The following ASIC2 variants were observed in gnomAD, a reference collection of about 807,000 sequenced individuals.
The protein encoded by ASIC2 is acid-sensing ion channel 2.
In ASIC2, 25 loss-of-function variants were observed where a neutral mutation model predicts 57.3. The ratio of observed to expected loss-of-function variants is 0.44; its 90% CI spans 0.32 to 0.61. The LOEUF (loss-of-function observed/expected upper bound fraction) is 0.61. ASIC2 is among the 20% of genes least tolerant of loss of function. The pLI is 0.06. For missense variants in ASIC2, 641 were observed against 738.1 expected, an observed-to-expected ratio of 0.87 and a Z score of 1.52; for synonymous variants, 319 against 307.5, an observed-to-expected ratio of 1.04 and a Z score of -0.39.
intron 1 of ASIC2, chr17:34,038,226 T>C: frequency 5.6e-6 from 9 of 1,611,958 alleles, no homozygotes; most frequent in Non-Finnish European, 7.6e-6. Context: ...ACAATCTGCA[T>C]GATAATGGAC....
chr17:33,766,296 A>T (rs1284289082), intron 1 of ASIC2, among the ~76,000 whole-genome samples: 1 of 152,188 alleles, frequency 6.6e-6, no homozygotes, highest in African/African-American at 2.4e-5. Flanking sequence ...CAGTGTATTT[A>T]GGGTTTGGTA....
At chr17:33,786,049 C>A (rs1304461058) in intron 1 of ASIC2, among the ~76,000 whole-genome samples, 1 of 152,182 alleles carries the variant, frequency 6.6e-6, no homozygotes. Flanking sequence ...GCTTGGCAAG[C>A]TCACGCAGCT....
intron 1 of ASIC2, among the ~76,000 whole-genome samples, chr17:33,479,284 C>G (rs542648040): frequency 6.6e-6 from 1 of 152,278 alleles, no homozygotes; most frequent in South Asian, 2.1e-4. Context: ...CACGCATGAG[C>G]CACCACGTCC....
rs1056266611 is a variant in ASIC2, at chr17:33,560,172, G to C, written c.556-448105C>G. 2.0e-5 allele frequency among the ~76,000 whole-genome samples: 3 copies of C among 152,186 alleles called. No homozygotes were observed. The South Asian group carries it at 6.2e-4, about 32-fold the overall frequency. On this transcript the variant is annotated intron_variant, in intron 1 of 9. Transcript: ENST00000359872. ...GGCTGTGTTCACAGACAGACAGATG[G>C]ACATGTGCGCAGGCAGAGGCAATCA...
At chr17:34,034,334 A>G (rs1270970364) in intron 1 of ASIC2, among the ~76,000 whole-genome samples, 3 of 152,218 alleles carry the variant, frequency 2.0e-5, no homozygotes, top group African/African-American at 7.2e-5. Flanking sequence ...AAAACTCTCA[A>G]TAAATTAGGT....
chr17:33,629,299 G>A (rs1310957698), intron 1 of ASIC2, among the ~76,000 whole-genome samples: 2 of 145,854 alleles, frequency 1.4e-5, no homozygotes, highest in Non-Finnish European at 3.0e-5. Flanking sequence ...TATTAAGGAT[G>A]AATGATTAGG....
chr17:33,726,952 T>G (rs1327949923), intron 1 of ASIC2, among the ~76,000 whole-genome samples: 1 of 152,244 alleles, frequency 6.6e-6, no homozygotes, highest in Non-Finnish European at 1.5e-5. Flanking sequence ...ACATCTTGCT[T>G]GCCTGCCTGC....
intron 1 of ASIC2, among the ~76,000 whole-genome samples, chr17:33,740,963 C>T (rs898968199): frequency 6.6e-6 from 1 of 152,188 alleles, no homozygotes; most frequent in South Asian, 2.1e-4. Context: ...ATTTAGATCC[C>T]TTCAACACCT....
At chr17:33,514,700 G>A (rs561988923) in intron 1 of ASIC2, among the ~76,000 whole-genome samples, 12 of 152,232 alleles carry the variant, frequency 7.9e-5, no homozygotes, top group South Asian at 4.1e-4. Flanking sequence ...TTTTATGACC[G>A]TGCTGCTAGG....
chr17:33,059,253 C>T (rs569524857), intron 3 of ASIC2, among the ~76,000 whole-genome samples: 70 of 152,248 alleles, frequency 4.6e-4, no homozygotes, highest in African/African-American at 1.5e-3. Flanking sequence ...TGGTGTGCTG[C>T]ACCCATTAAC....
chr17:33,757,412 T>C (rs902567), intron 1 of ASIC2, among the ~76,000 whole-genome samples: 147,284 of 152,260 alleles, frequency 0.97, 71,264 homozygotes, highest in African/African-American at 0.99. Flanking sequence ...TTGCTTGAGG[T>C]CGGGAGTTCG....
rs535528938 is a variant in ASIC2 at position 33,931,136 on chromosome 17, A to G, written c.555+224842T>C. ...GAACCCCTCAGAAACCGAGTTGTGG[A>G]AGGAAAGGGCTTTATTCAGCTGGGA... On this transcript the variant is annotated intron_variant, in intron 1 of 9. Transcript: ENST00000359872. 3 of 152,212 alleles carry G rather than the reference A, an allele frequency of 2.0e-5. No homozygotes were observed. In the East Asian group the frequency reaches 5.8e-4, roughly 29 times the overall value. The allele number at this position is 152,212 out of a possible 1,614,324, so 9.4% of individuals were successfully genotyped here.
intron 1 of ASIC2, chr17:34,039,929 C>G (rs1471872920): frequency 1.4e-6 from 2 of 1,466,324 alleles, no homozygotes; most frequent in Non-Finnish European, 1.9e-6. Flanking sequence ...GGACCCCGAC[C>G]CGACCCGGCT....
At chr17:34,070,204 G>A (rs933361271) in intron 1 of ASIC2, 1 of 151,986 alleles carries the variant, frequency 6.6e-6, no homozygotes, top group Admixed American at 6.6e-5. Flanking sequence ...AACAAGTTTT[G>A]CCTTCAAAGT....
At chr17:33,949,274 C>T (rs1178627517) in intron 1 of ASIC2, among the ~76,000 whole-genome samples, 3 of 152,026 alleles carry the variant, frequency 2.0e-5, no homozygotes, top group South Asian at 2.1e-4. Context: ...AGGGCACGAG[C>T]GAGAACTGGT....
chr17:33,108,969 C>T (rs1438593949), intron 2 of ASIC2, among the ~76,000 whole-genome samples: 6 of 152,160 alleles, frequency 3.9e-5, no homozygotes, highest in African/African-American at 1.4e-4. Flanking sequence ...TAACTGCTCT[C>T]CAATATGGTA....
chr17:33,159,903 G>T (rs1905113607), intron 1 of ASIC2, among the ~76,000 whole-genome samples: 2 of 152,170 alleles, frequency 1.3e-5, no homozygotes, highest in South Asian at 4.1e-4. Context: ...ACAATGCCTG[G>T]CACATAGAAA....
intron 1 of ASIC2, among the ~76,000 whole-genome samples, chr17:33,211,616 C>T (rs559425756): frequency 4.6e-5 from 7 of 151,866 alleles, no homozygotes; most frequent in East Asian, 3.9e-4. Flanking sequence ...CAGGCAGCCC[C>T]GTTCATCTAT....
At chr17:34,155,012 T>C (rs946383389) in intron 1 of ASIC2, among the ~76,000 whole-genome samples, 1 of 151,678 alleles carries the variant, frequency 6.6e-6, no homozygotes, top group African/African-American at 2.4e-5. Flanking sequence ...TCTCTGCCCC[T>C]CCAGTAAGCC....
Sources: allele counts gnomAD v4.1 joint callset (sites outside exome capture counted in the v4.1 genomes callset), GRCh38; gene constraint gnomAD v4.1.1; transcripts MANE v1.5; gene names NCBI Gene and HGNC (gene_info 2026-07-23, HGNC 2026-07-21).